The following NTM variants were observed in gnomAD, a reference collection of about 807,000 sequenced individuals.
The protein encoded by NTM is IgLON family member 2.
In NTM, 13 loss-of-function variants were observed where a neutral mutation model predicts 42.1. That is an observed-to-expected ratio of 0.31 (90% CI 0.20 to 0.49). The LOEUF (loss-of-function observed/expected upper bound fraction) is 0.49, where lower values mean the gene tolerates loss of function less well. Ranked by LOEUF, NTM falls within the 20% of genes least tolerant of loss-of-function variation. NTM has a pLI of 0.99. For synonymous variants in NTM, 187 were observed against 179.2 expected (o/e 1.04, Z -0.35); for missense variants, 373 against 452.8 (o/e 0.82, Z 1.60).
At chr11:131,385,710 A>T (rs1943232545) in intron 1 of NTM, among the ~76,000 whole-genome samples, 1 of 152,184 alleles carries the variant, frequency 6.6e-6, no homozygotes, top group Non-Finnish European at 1.5e-5. Flanking sequence ...TTTTAAAATT[A>T]TCCAGGCGCA....
intron 2 of NTM, among the ~76,000 whole-genome samples, chr11:131,936,922 A>G (rs1338928211): frequency 6.6e-6 from 1 of 152,214 alleles, no homozygotes; most frequent in African/African-American, 2.4e-5. Context: ...GATGTAACTG[A>G]GAACAGTTAA....
intron 2 of NTM, among the ~76,000 whole-genome samples, chr11:132,079,432 A>C (rs1347422484): frequency 6.6e-6 from 1 of 152,194 alleles, no homozygotes. Flanking sequence ...AATGCTTGCC[A>C]AAGGGTGCTT....
rs368425864 is a variant in NTM at position 131,790,904 on chromosome 11, C to T, written c.83-120660C>T. Among the ~76,000 whole-genome samples, 30 of 152,250 alleles carry T rather than the reference C, an allele frequency of 2.0e-4. 2 individuals carry two copies. The highest frequency in any genetic ancestry group is 6.7e-4 in the African/African-American group (28 of 41,548). On this transcript the variant is annotated intron_variant, in intron 1 of 8. Transcript: ENST00000683400. The stretch of plus-strand genomic sequence containing the variant: ...CACTGCAAAGTTTGTTTTAATCATT[C>T]GGAAATATCTTTGGAGCAATCTCTA...
At chr11:132,204,523 G>A (rs1273779770) in intron 3 of NTM, among the ~76,000 whole-genome samples, 3 of 152,158 alleles carry the variant, frequency 2.0e-5, no homozygotes, top group African/African-American at 7.2e-5. Context: ...GTTTGAGGAA[G>A]CCTTCTGTGA....
At chr11:131,498,222 G>A (rs1955553952) in intron 1 of NTM, among the ~76,000 whole-genome samples, 2 of 152,124 alleles carry the variant, frequency 1.3e-5, no homozygotes, top group African/African-American at 4.8e-5. Flanking sequence ...ACAGACCCAA[G>A]TTCAAACTCT....
intron 1 of NTM, among the ~76,000 whole-genome samples, chr11:131,489,933 G>A (rs973565177): frequency 2.0e-5 from 3 of 152,228 alleles, no homozygotes; most frequent in African/African-American, 7.2e-5. Flanking sequence ...TTATGGTTCT[G>A]CAACATAAAC....
chr11:131,621,689 G>A (rs950474274), intron 1 of NTM, among the ~76,000 whole-genome samples: 1 of 150,900 alleles, frequency 6.6e-6, no homozygotes, highest in African/African-American at 2.4e-5. Flanking sequence ...GAGCATGGTG[G>A]CCTGTGCCTG....
At chr11:132,220,575 A>G (rs952087816) in intron 4 of NTM, among the ~76,000 whole-genome samples, 3 of 152,350 alleles carry the variant, frequency 2.0e-5, no homozygotes, top group South Asian at 4.1e-4. Flanking sequence ...GCCTCATTCT[A>G]GAAACCAAGG....
intron 1 of NTM, among the ~76,000 whole-genome samples, chr11:131,758,194 T>C (rs1450680352): frequency 6.6e-6 from 1 of 152,186 alleles, no homozygotes; most frequent in Non-Finnish European, 1.5e-5. Flanking sequence ...TTTAAATATA[T>C]AGCTACAAAT....
chr11:132,074,862 A>C (rs954130154), intron 2 of NTM, among the ~76,000 whole-genome samples: 3 of 152,232 alleles, frequency 2.0e-5, no homozygotes, highest in Admixed American at 6.5e-5. Flanking sequence ...GAATGTTCCT[A>C]ATGCAAAGAA....
intron 2 of NTM, chr11:131,981,187 CT>C (rs1401431741): frequency 8.5e-5 from 13 of 152,158 alleles, no homozygotes; most frequent in South Asian, 4.1e-4. Flanking sequence ...AATGTGAGCC[CT>C]TTGGGAATGC....
intron 1 of NTM, among the ~76,000 whole-genome samples, chr11:131,491,707 G>A (rs369392142): frequency 1.4e-4 from 21 of 152,126 alleles, no homozygotes; most frequent in South Asian, 6.2e-4. Flanking sequence ...ATTCTGGGGA[G>A]GATAGGGAAT....
chr11:132,137,828 A>T (rs2068240945), intron 2 of NTM, among the ~76,000 whole-genome samples: 1 of 152,154 alleles, frequency 6.6e-6, no homozygotes, highest in African/African-American at 2.4e-5. Flanking sequence ...ACAGGAGGCC[A>T]GAGGGCAGGG....
At chr11:131,796,708 A>G (rs7949522) in intron 1 of NTM, among the ~76,000 whole-genome samples, 115,262 of 152,092 alleles carry the variant, frequency 0.76, 44,581 homozygotes, top group African/African-American at 0.9. Context: ...GATGGCCTCG[A>G]CATCAGCGCA....
intron 1 of NTM, among the ~76,000 whole-genome samples, chr11:131,514,062 ATGG>A (rs1163389756): frequency 2.6e-5 from 4 of 152,146 alleles, no homozygotes; most frequent in African/African-American, 9.7e-5. Flanking sequence ...AATAATAATA[ATGG>A]TAAGTCAGCT....
intron 1 of NTM, among the ~76,000 whole-genome samples, chr11:131,550,224 A>T (rs1038467351): frequency 5.9e-5 from 9 of 152,228 alleles, no homozygotes; most frequent in Non-Finnish European, 1.2e-4. Context: ...AATTGGGAGG[A>T]TTGCTTGAGC....
At chr11:131,445,697 G>A (rs901045783) in intron 1 of NTM, among the ~76,000 whole-genome samples, 9 of 152,178 alleles carry the variant, frequency 5.9e-5, no homozygotes, top group Non-Finnish European at 1.2e-4. Flanking sequence ...AGCCTGGCAA[G>A]CATTCACAAT....
At chr11:131,769,886 G>A (rs1281696366) in intron 1 of NTM, among the ~76,000 whole-genome samples, 9 of 152,308 alleles carry the variant, frequency 5.9e-5, no homozygotes, top group South Asian at 2.1e-4. Context: ...CAGCTTTGCC[G>A]CTGGTAATGA....
chr11:131,578,734 A>G (rs188329826), intron 1 of NTM, among the ~76,000 whole-genome samples: 4 of 152,144 alleles, frequency 2.6e-5, no homozygotes, highest in Non-Finnish European at 5.9e-5. Context: ...ATTTGTAACT[A>G]TCTCCCTCAT....
Sources: gnomAD v4.1 joint callset for allele counts (sites outside exome capture counted in the v4.1 genomes callset) on GRCh38, gnomAD v4.1.1 for gene constraint, MANE v1.5 for transcripts, NCBI Gene and HGNC (gene_info 2026-07-23, HGNC 2026-07-21) for gene names.